Variants in JPH2 observed in about 807,000 individuals in gnomAD.
JPH2 encodes junctophilin 2.
A neutral mutation model predicts 55.9 loss-of-function variants in JPH2; 38 were observed. That is an observed-to-expected ratio of 0.68 (90% CI 0.52 to 0.89). JPH2 has a LOEUF of 0.89. Among genes scored for constraint, JPH2 ranks in the 40% least tolerant of loss-of-function variants. The pLI is 0.00. For synonymous variants in JPH2, 480 were observed against 472.4 expected (o/e 1.02, Z -0.21); for missense variants, 964 against 1,037.6 (o/e 0.93, Z 0.97).
At chr20:44,149,939 T>G (rs1195669479) in intron 2 of JPH2, among the ~76,000 whole-genome samples, 1 of 129,382 alleles carries the variant, frequency 7.7e-6, no homozygotes, top group Non-Finnish European at 1.6e-5. Context: ...GATCATCCAC[T>G]GCACTCCAGC....
chr20:44,135,573 T>C (rs2072406236), intron 2 of JPH2, among the ~76,000 whole-genome samples: 2 of 152,200 alleles, frequency 1.3e-5, no homozygotes, highest in Non-Finnish European at 2.9e-5. Context: ...TTTGTCTTCC[T>C]CTGATTAGTC....
intron 2 of JPH2, among the ~76,000 whole-genome samples, chr20:44,149,417 T>C (rs1019442295): frequency 1.4e-4 from 21 of 152,242 alleles, no homozygotes; most frequent in Admixed American, 3.3e-4. Context: ...CACACATATA[T>C]GATTTCTCCG....
chr20:44,134,676 T>TTATTATAAATA (rs1555855907), intron 2 of JPH2, among the ~76,000 whole-genome samples: 10 of 34,066 alleles, frequency 2.9e-4, no homozygotes, highest in Admixed American at 2.7e-3. Flanking sequence ...AAATATATAT[T>TTATTATAAATA]TATAAATATT....
rs953527871 is a variant in JPH2 at position 44,160,505 on chromosome 20, G to A, written c.380-98C>T. 2.9e-5 allele frequency: 38 copies of A among 1,309,528 alleles called. No homozygotes were observed. Among genetic ancestry groups the A allele is most frequent in the Admixed American group, 7.7e-5 (4 of 52,032 alleles). 81.1% of individuals were successfully genotyped at this position (1,309,528 alleles called of 1,614,324 possible). ...CAAGGGCGGGAGTGGGCAAGGCGGG[G>A]TGGGACCGAGAGGCGCAAGGCCGTC... On this transcript the variant is annotated intron_variant, in intron 1 of 5. Transcript: ENST00000372980. This position sits in a 1 kb window ranked among gnomAD's most constrained non-coding sequence, Gnocchi z 4.9.
In JPH2 at chr20:44,108,691, A is replaced by G. The variant is rs2072122863; in HGVS notation, c.*4827T>C. On this transcript the variant is annotated 3_prime_UTR_variant, in exon 6 of 6. Transcript: ENST00000372980. ...TGACTGTAATGTAGGCACCTGGTCA[A>G]GACAGCCTGGAGTGAATGGTGAATG... 6.6e-6 allele frequency among the ~76,000 whole-genome samples: 1 copy of G among 151,866 alleles called. No individual in the cohort carries two copies. Among genetic ancestry groups the G allele is most frequent in the African/African-American group, 2.4e-5 (1 of 41,302 alleles).
chr20:44,113,623 A>T (rs1329593510), intron 5 of JPH2, 120 bp from the exon 6 acceptor site: 1 of 152,310 alleles, frequency 6.6e-6, no homozygotes. Flanking sequence ...CCACCTCTGC[A>T]TCCCCCCAGA....
At chr20:44,148,290 T>C (rs1243990012) in intron 2 of JPH2, among the ~76,000 whole-genome samples, 1 of 152,228 alleles carries the variant, frequency 6.6e-6, no homozygotes, top group Admixed American at 6.5e-5. Context: ...ATGAATGTCA[T>C]CCAATAGCGT....
In JPH2 at chr20:44,160,909, C is replaced by A. The variant is rs1245129973; in HGVS notation, c.380-502G>T. On this transcript the variant is annotated intron_variant, in intron 1 of 5. Transcript: ENST00000372980. The surrounding 1 kb of genome is among the most constrained non-coding windows in gnomAD (Gnocchi z 4.9). ...GACCAACCTGGGCAACATGGTGAAA[C>A]CTCTCTCTACAAAAAAATTAGTCAG... Among the ~76,000 whole-genome samples the A allele has an allele frequency of 7.2e-5, 11 of 152,068 alleles. No individual in the cohort carries two copies.
At chr20:44,114,637 C>T (rs1229074783) in intron 5 of JPH2, 145 bp downstream of exon 5, 1 of 638,474 alleles carries the variant, frequency 1.6e-6, no homozygotes, top group Non-Finnish European at 2.9e-6. Context: ...CACTCTAGGT[C>T]TTGGCTTCTG....
At chr20:44,181,390 TAA>T (rs1460407667) in intron 1 of JPH2, among the ~76,000 whole-genome samples, 1 of 152,198 alleles carries the variant, frequency 6.6e-6, no homozygotes, top group Non-Finnish European at 1.5e-5. Context: ...GCCAACTGAA[TAA>T]ATCTTTCAGA....
At chr20:44,178,042 C>T in intron 1 of JPH2, 9 of 795,262 alleles carry the variant, frequency 1.1e-5, no homozygotes, top group South Asian at 5.3e-5. Flanking sequence ...GGTTAAGAAC[C>T]GGCACAGCTG....
rs1272322315 is a variant in JPH2, at chr20:44,107,595, C to T, written c.*5923G>A. 2.6e-5 allele frequency among the ~76,000 whole-genome samples: 4 copies of T among 152,300 alleles called. No individual in the cohort carries two copies. In the East Asian group the frequency reaches 7.7e-4, roughly 29 times the overall value. On this transcript the variant is annotated 3_prime_UTR_variant, in exon 6 of 6. Transcript: ENST00000372980. ...TATGTAGAACCACAGATGGAAAAAA[C>T]CTGGGTCCCTGAATCATTATGATGA...
intron 2 of JPH2, among the ~76,000 whole-genome samples, chr20:44,125,809 A>C (rs1232786020): frequency 6.6e-6 from 1 of 152,050 alleles, no homozygotes; most frequent in Non-Finnish European, 1.5e-5. Flanking sequence ...GTAAAATGGG[A>C]ATAATAAGGG....
At position 44,109,692 on chromosome 20, in the gene JPH2, G is replaced by A. The variant is rs2072128652; in HGVS notation, c.*3826C>T. On this transcript the variant is annotated 3_prime_UTR_variant, in exon 6 of 6. Transcript: ENST00000372980. ...TGCAAGTTTTATGTTTTACAGTTTA[G>A]GTATTATTTGTATTCTGAGTCACTT... Among the ~76,000 whole-genome samples the A allele has an allele frequency of 6.6e-6, 1 of 152,130 alleles. No homozygotes were observed. The highest frequency in any genetic ancestry group is 2.1e-4 in the South Asian group (1 of 4,832).
At chr20:44,185,636 GAAAA>G (rs35246323) in intron 1 of JPH2, among the ~76,000 whole-genome samples, 1 of 142,322 alleles carries the variant, frequency 7.0e-6, no homozygotes, top group African/African-American at 2.6e-5. Context: ...ACTTGTCTTG[GAAAA>G]AAAAAAAAAG....
At chr20:44,117,782 C>G (rs2072204951) in intron 3 of JPH2, among the ~76,000 whole-genome samples, 1 of 152,224 alleles carries the variant, frequency 6.6e-6, no homozygotes, top group Non-Finnish European at 1.5e-5. Flanking sequence ...TCCCTCCTCT[C>G]CCATTCTAAC....
rs1271458196 is a variant in JPH2, at chr20:44,115,627, GA to G, written c.2010+37del. 3.7e-6 allele frequency: 6 copies of G among 1,611,536 alleles called. No individual in the cohort carries two copies. In the African/African-American group the frequency reaches 6.7e-5, roughly 18 times the overall value. Reference sequence around the variant, plus strand: ...TCCCTCAAGCCCTGCTACCTCTAGGGAACCCGACCTTAGGCACACCTTGCCC... The same window carrying G: ...TCCCTCAAGCCCTGCTACCTCTAGGGACCCGACCTTAGGCACACCTTGCCC... On this transcript the variant is annotated intron_variant, in intron 4 of 5. Coordinates refer to ENST00000372980, the MANE Select transcript of JPH2 (RefSeq NM_020433.5).
chr20:44,161,103 G>C (rs539016375), intron 1 of JPH2, among the ~76,000 whole-genome samples: 1 of 152,288 alleles, frequency 6.6e-6, no homozygotes, highest in Non-Finnish European at 1.5e-5. Flanking sequence ...CAAATCATGA[G>C]TGTGCAGGGT....
At chr20:44,172,676 A>T (rs1460388127) in intron 1 of JPH2, among the ~76,000 whole-genome samples, 3 of 152,032 alleles carry the variant, frequency 2.0e-5, no homozygotes, top group African/African-American at 7.3e-5. Context: ...TTTTGTAGAG[A>T]TGTGGTCTCG....
Sources: allele counts gnomAD v4.1 joint callset (sites outside exome capture counted in the v4.1 genomes callset), GRCh38; gene constraint gnomAD v4.1.1; non-coding constraint Gnocchi (gnomAD v3.1); transcripts MANE v1.5; gene names NCBI Gene and HGNC (gene_info 2026-07-23, HGNC 2026-07-21).